The following ZBTB8OS variants were observed in gnomAD, a reference collection of about 807,000 sequenced individuals.
ZBTB8OS encodes the protein tRNA splicing ligase complex subunit 1.
A neutral mutation model predicts 29.3 loss-of-function variants in ZBTB8OS; 16 were observed. The ratio of observed to expected loss-of-function variants is 0.55; its 90% CI spans 0.37 to 0.83. The LOEUF (loss-of-function observed/expected upper bound fraction) is 0.83. ZBTB8OS is among the 40% of genes least tolerant of loss of function. The pLI is 0.00. For missense variants in ZBTB8OS, 160 were observed against 196.9 expected (o/e 0.81, Z 1.12); for synonymous variants, 70 against 64.6 (o/e 1.08, Z -0.40).
At chr1:32,645,784 GT>G (rs911197210) in intron 1 of ZBTB8OS, among the ~76,000 whole-genome samples, 15 of 152,150 alleles carry the variant, frequency 9.9e-5, no homozygotes, top group African/African-American at 3.4e-4. Flanking sequence ...GCTGGGGCCA[GT>G]TTTACCAACC....
chr1:32,643,182 T>G (rs1317483708), intron 1 of ZBTB8OS, among the ~76,000 whole-genome samples: 1 of 149,244 alleles, frequency 6.7e-6, no homozygotes, highest in Non-Finnish European at 1.5e-5. Flanking sequence ...GCGATTCTCC[T>G]GCCTCAGCCT....
chr1:32,621,960 GT>G lies in ZBTB8OS; in HGVS notation c.418-13del. The G allele has an allele frequency of 1.4e-6, 2 of 1,408,578 alleles. No individual in the cohort carries two copies. The highest frequency in any genetic ancestry group is 1.9e-6 in the Non-Finnish European group (2 of 1,044,582). 87.3% of individuals were successfully genotyped at this position (1,408,578 alleles called of 1,614,324 possible). A position where few individuals can be genotyped will look rare whatever the true frequency, so the allele number is the denominator to read the frequency against. On this transcript the variant is annotated splice_polypyrimidine_tract_variant and intron_variant, in intron 6 of 6. Coordinates refer to ENST00000468695, the MANE Select transcript of ZBTB8OS (RefSeq NM_178547.5). Reference sequence around the variant, plus strand: ...TTGACTTCTGTTCCCTAAAGTTGGGGTTAGAGAAAAAAAAAAAAAAAAGGAA... The same window carrying G: ...TTGACTTCTGTTCCCTAAAGTTGGGGTAGAGAAAAAAAAAAAAAAAAGGAA...
chr1:32,640,350 T>C (rs1484493725), intron 1 of ZBTB8OS, among the ~76,000 whole-genome samples: 1 of 151,884 alleles, frequency 6.6e-6, no homozygotes, highest in Middle Eastern at 3.2e-3. Context: ...AATCCACCCC[T>C]CTCGGCCTCC....
At chr1:32,623,490 C>T in intron 6 of ZBTB8OS, among the ~76,000 whole-genome samples, 1 of 152,164 alleles carries the variant, frequency 6.6e-6, no homozygotes, top group Middle Eastern at 3.2e-3. Context: ...TCAGTAAGAA[C>T]TGACTCATTT....
chr1:32,626,021 C>T (rs1333265567), intron 6 of ZBTB8OS, among the ~76,000 whole-genome samples: 7 of 151,714 alleles, frequency 4.6e-5, no homozygotes, highest in African/African-American at 9.7e-5. Flanking sequence ...TACAAGCGCC[C>T]GCCACCGCAC....
At chr1:32,631,729 G>A (rs1339577999) in intron 5 of ZBTB8OS, 98 bp downstream of exon 5, 1 of 867,210 alleles carries the variant, frequency 1.2e-6, no homozygotes, top group Admixed American at 2.7e-5. Context: ...CAATCTGCAA[G>A]TGGCCCTCTG....
chr1:32,627,113 G>A (rs970267596), intron 6 of ZBTB8OS, among the ~76,000 whole-genome samples: 6 of 152,044 alleles, frequency 3.9e-5, no homozygotes, highest in Non-Finnish European at 8.8e-5. Context: ...GCCAACTCCT[G>A]TTCCAATAGA....
chr1:32,631,941 C>A (rs1040287869), intron 4 of ZBTB8OS, 62 bp from the exon 5 acceptor site: 1 of 613,176 alleles, frequency 1.6e-6, no homozygotes, highest in Admixed American at 5.6e-5. Flanking sequence ...TACTAAAAAT[C>A]TTTTTGTTCT....
intron 1 of ZBTB8OS, among the ~76,000 whole-genome samples, chr1:32,641,150 C>G (rs55858623): frequency 0.86 from 130,275 of 151,626 alleles, 57,594 homozygotes; most frequent in Non-Finnish European, 0.96. Context: ...CCAGCCTGGG[C>G]AATAGAGCAA....
intron 1 of ZBTB8OS, among the ~76,000 whole-genome samples, chr1:32,647,367 G>T (rs1220294130): frequency 6.6e-6 from 1 of 151,448 alleles, no homozygotes; most frequent in Non-Finnish European, 1.5e-5. Context: ...AACCTGGGGG[G>T]CAGAGGTTGC....
chr1:32,621,628 T>C lies in ZBTB8OS; in HGVS notation c.*234A>G. On this transcript the variant is annotated 3_prime_UTR_variant, in exon 7 of 7. Transcript: ENST00000468695. ...GCCACAGCAGAGAATCAAAGGACCA[T>C]AACTGTCCCTTGGGGGGTTGAAGAA... The C allele has an allele frequency of 8.3e-6, 4 of 483,694 alleles. No individual in the cohort carries two copies. Among genetic ancestry groups the C allele is most frequent in the South Asian group, 4.8e-5 (2 of 41,404 alleles). The allele number at this position is 483,694 out of a possible 1,614,324, so 30.0% of individuals were successfully genotyped here.
intron 6 of ZBTB8OS, among the ~76,000 whole-genome samples, chr1:32,627,109 TC>T (rs1645183608): frequency 6.6e-6 from 1 of 152,118 alleles, no homozygotes; most frequent in South Asian, 2.1e-4. Flanking sequence ...AACTGCCAAC[TC>T]CTGTTCCAAT....
At chr1:32,633,830 GAA>G in intron 3 of ZBTB8OS, 103 bp from the exon 4 acceptor site, 1 of 1,469,784 alleles carries the variant, frequency 6.8e-7, no homozygotes, top group Non-Finnish European at 9.1e-7. Context: ...TAAAGAGAAA[GAA>G]AAGACTCATC....
intron 1 of ZBTB8OS, among the ~76,000 whole-genome samples, chr1:32,647,191 A>G (rs988097276): frequency 4.6e-5 from 7 of 150,772 alleles, no homozygotes; most frequent in Non-Finnish European, 8.8e-5. Flanking sequence ...CAACATGGAG[A>G]AACCCCATCT....
At chr1:32,621,989 T>G in intron 6 of ZBTB8OS, 41 bp from the exon 7 acceptor site, 1 of 1,233,324 alleles carries the variant, frequency 8.1e-7, no homozygotes, top group South Asian at 1.4e-5. Context: ...AAAAGGAAAA[T>G]AGGATATTGA....
At chr1:32,650,405 T>C (rs777938140) in intron 1 of ZBTB8OS, 28 bp downstream of exon 1, 3 of 1,613,712 alleles carry the variant, frequency 1.9e-6, no homozygotes, top group Non-Finnish European at 1.7e-6. Context: ...TGCTTACATG[T>C]AAAGAGAGAA....
intron 1 of ZBTB8OS, among the ~76,000 whole-genome samples, chr1:32,643,199 T>C (rs181309066): frequency 1.3e-5 from 2 of 149,722 alleles, no homozygotes; most frequent in African/African-American, 4.9e-5. Context: ...GCCTCCCAAG[T>C]AACTGGGATT....
chr1:32,645,651 T>C (rs1646775286), intron 1 of ZBTB8OS, among the ~76,000 whole-genome samples: 1 of 152,118 alleles, frequency 6.6e-6, no homozygotes, highest in Non-Finnish European at 1.5e-5. Context: ...AGCCCAGCCT[T>C]ACTCTGTAGC....
At chr1:32,648,807 C>CA in intron 1 of ZBTB8OS, among the ~76,000 whole-genome samples, 1 of 151,890 alleles carries the variant, frequency 6.6e-6, no homozygotes, top group East Asian at 1.9e-4. Context: ...TACAGGCACC[C>CA]ACCACCATGC....
Sources: allele counts gnomAD v4.1 joint callset (sites outside exome capture counted in the v4.1 genomes callset), GRCh38; gene constraint gnomAD v4.1.1; transcripts MANE v1.5; gene names NCBI Gene and HGNC (gene_info 2026-07-23, HGNC 2026-07-21).